CFAP77: variants seen among roughly 807,000 people sequenced by gnomAD.
The protein encoded by CFAP77 is cilia and flagella associated protein 77, also known as cilia- and flagella-associated protein 77.
CFAP77 carries 25 observed loss-of-function variants against 31.1 expected under a neutral mutation model. The ratio of observed to expected loss-of-function variants is 0.80; its 90% CI spans 0.59 to 1.12. The LOEUF (loss-of-function observed/expected upper bound fraction) is 1.12, where lower values mean the gene tolerates loss of function less well. Ranked by LOEUF, CFAP77 falls within the 50% of genes most tolerant of loss-of-function variation. The pLI is 0.00. For synonymous variants in CFAP77, 151 were observed against 159.9 expected (o/e 0.94, Z 0.42); for missense variants, 377 against 397.3 (o/e 0.95, Z 0.44).
At chr9:132,525,098 C>A (rs1273141615) in intron 3 of CFAP77, among the ~76,000 whole-genome samples, 1 of 148,192 alleles carries the variant, frequency 6.7e-6, no homozygotes, top group African/African-American at 2.5e-5. Context: ...CAGCTCACTG[C>A]AACCTCCGCT....
chr9:132,521,778 T>TTTTTTTTTTTTTTTTTTTG lies in CFAP77; in HGVS notation c.525-15817_525-15816insTTTTTTTTTTTTGTTTTTT, dbSNP rs533275755. On this transcript the variant is annotated intron_variant, in intron 3 of 5. Coordinates refer to ENST00000393216, the MANE Select transcript of CFAP77 (RefSeq NM_001282957.2). ...ATAGACTTGCTTTTTTTTTTTTTTT[T>TTTTTTTTTTTTTTTTTTTG]TTTTTTGAGATGAAGTCTCACTCTG... 4.3e-3 allele frequency among the ~76,000 whole-genome samples: 453 copies of TTTTTTTTTTTTTTTTTTTG among 106,136 alleles called. 5 individuals carry two copies. Among genetic ancestry groups the TTTTTTTTTTTTTTTTTTTG allele is most frequent in the East Asian group, 6.5e-3 (15 of 2,324 alleles). The allele number at this position is 106,136 out of a possible 152,430, so 69.6% of individuals were successfully genotyped here.
intron 1 of CFAP77, among the ~76,000 whole-genome samples, chr9:132,411,212 G>T (rs1368623565): frequency 2.0e-5 from 3 of 152,216 alleles, no homozygotes; most frequent in African/African-American, 4.8e-5. Context: ...GGGGGTCAGG[G>T]AGCAAGCCTC....
intron 1 of CFAP77, among the ~76,000 whole-genome samples, chr9:132,466,309 C>T (rs764433875): frequency 8.5e-5 from 13 of 152,224 alleles, no homozygotes; most frequent in East Asian, 5.8e-4. Flanking sequence ...TTTACTCTCA[C>T]GACAGGACCC....
At chr9:132,489,614 C>A (rs1851620087) in intron 1 of CFAP77, among the ~76,000 whole-genome samples, 1 of 152,198 alleles carries the variant, frequency 6.6e-6, no homozygotes, top group Admixed American at 6.5e-5. Flanking sequence ...AAATGTTGAT[C>A]CTGTTCCTTG....
At chr9:132,518,477 C>T (rs1363853547) in intron 3 of CFAP77, among the ~76,000 whole-genome samples, 1 of 152,170 alleles carries the variant, frequency 6.6e-6, no homozygotes, top group Non-Finnish European at 1.5e-5. Flanking sequence ...GAGCATCACA[C>T]GGGCAACTCG....
intron 5 of CFAP77, among the ~76,000 whole-genome samples, chr9:132,547,106 C>G (rs944168069): frequency 1.3e-5 from 2 of 152,200 alleles, no homozygotes; most frequent in Non-Finnish European, 2.9e-5. Flanking sequence ...GGCTGATGCC[C>G]TCTGTGCCCT....
At position 132,552,093 on chromosome 9, in the gene CFAP77, A is replaced by G. The variant is rs1350838219; in HGVS notation, c.732+9046A>G. Among the ~76,000 whole-genome samples the G allele has an allele frequency of 6.6e-6, 1 of 152,218 alleles. No homozygotes were observed. Among genetic ancestry groups the G allele is most frequent in the Non-Finnish European group, 1.5e-5 (1 of 68,028 alleles). Reference sequence around the variant, plus strand: ...TCCCGGATTCAGGCTTACTGCGTTAAAAGTGGGAGGCTGAGGCTGAGTCCA... The same window carrying G: ...TCCCGGATTCAGGCTTACTGCGTTAGAAGTGGGAGGCTGAGGCTGAGTCCA... On this transcript the variant is annotated intron_variant, in intron 5 of 5. Transcript: ENST00000393216. This position sits in a 1 kb window ranked among gnomAD's most constrained non-coding sequence, Gnocchi z 5.5.
chr9:132,472,344 A>C (rs1382618902), intron 1 of CFAP77, among the ~76,000 whole-genome samples: 2 of 152,258 alleles, frequency 1.3e-5, no homozygotes, highest in Admixed American at 1.3e-4. Flanking sequence ...TGTAGAATGC[A>C]AAAGCCATTC....
intron 5 of CFAP77, among the ~76,000 whole-genome samples, chr9:132,571,775 G>A (rs1331012749): frequency 6.6e-6 from 1 of 152,120 alleles, no homozygotes; most frequent in East Asian, 1.9e-4. Flanking sequence ...GAGGCGAGGC[G>A]GGGTCTTCAC....
rs1010146000 is a variant in CFAP77, at chr9:132,564,122, T to G, written c.733-8266T>G. ...AATTCGTTGTGTGATTTTATTTTTATTAGTAGTTTCTCACTCTATCTCAGG... is the reference window on the plus strand; with the variant it reads ...AATTCGTTGTGTGATTTTATTTTTAGTAGTAGTTTCTCACTCTATCTCAGG... On this transcript the variant is annotated intron_variant, in intron 5 of 5. Coordinates refer to ENST00000393216, the MANE Select transcript of CFAP77 (RefSeq NM_001282957.2). This position sits in a 1 kb window ranked among gnomAD's most constrained non-coding sequence, Gnocchi z 4.6. Among the ~76,000 whole-genome samples the G allele has an allele frequency of 6.6e-6, 1 of 152,214 alleles. No homozygotes were observed. The highest frequency in any genetic ancestry group is 1.5e-5 in the Non-Finnish European group (1 of 68,036).
intron 4 of CFAP77, among the ~76,000 whole-genome samples, chr9:132,538,604 C>T (rs988062262): frequency 6.6e-6 from 1 of 151,998 alleles, no homozygotes; most frequent in Non-Finnish European, 1.5e-5. Flanking sequence ...TGGTGAAACT[C>T]CTGTCTCTCC....
In CFAP77 at chr9:132,573,311, G is replaced by A. The variant is rs966622444; in HGVS notation, c.*801G>A. On this transcript the variant is annotated 3_prime_UTR_variant, in exon 6 of 6. Coordinates refer to ENST00000393216, the MANE Select transcript of CFAP77 (RefSeq NM_001282957.2). ...CTATTTTAAATTAAAAATGCTATTT[G>A]TCATCCTCCTTTTGTGTCTCCATTT... is the stretch of plus-strand genomic sequence containing the variant. 1 of 152,144 alleles carries A rather than the reference G, an allele frequency of 6.6e-6. No homozygotes were observed. The highest frequency in any genetic ancestry group is 1.5e-5 in the Non-Finnish European group (1 of 68,044). 9.4% of individuals were successfully genotyped at this position (152,144 alleles called of 1,614,324 possible).
chr9:132,433,285 T>G, intron 1 of CFAP77, among the ~76,000 whole-genome samples: 1 of 152,334 alleles, frequency 6.6e-6, no homozygotes, highest in East Asian at 1.9e-4. Context: ...GAAATGGCAC[T>G]TGCTCTGAGG....
chr9:132,572,861 C>T lies in CFAP77; in HGVS notation c.*351C>T, dbSNP rs913748825. On this transcript the variant is annotated 3_prime_UTR_variant, in exon 6 of 6. Coordinates refer to ENST00000393216, the MANE Select transcript of CFAP77 (RefSeq NM_001282957.2). The stretch of plus-strand genomic sequence containing the variant: ...TCCAGGCTAAGGGTCGATTCCATGG[C>T]TCTGCCCATTAAGTGTTAAGAACGA... 2 of 297,700 alleles carry T rather than the reference C, an allele frequency of 6.7e-6. No individual in the cohort carries two copies. The highest frequency in any genetic ancestry group is 1.2e-5 in the Non-Finnish European group (2 of 161,100). The allele number at this position is 297,700 out of a possible 1,614,324, so 18.4% of individuals were successfully genotyped here.
intron 3 of CFAP77, among the ~76,000 whole-genome samples, chr9:132,523,439 T>C (rs78609233): frequency 6.6e-6 from 1 of 152,364 alleles, no homozygotes; most frequent in Non-Finnish European, 1.5e-5. Context: ...ACCTGTACTG[T>C]ATGTCTCCTC....
chr9:132,558,162 A>C (rs900230503), intron 5 of CFAP77, among the ~76,000 whole-genome samples: 2 of 152,262 alleles, frequency 1.3e-5, no homozygotes, highest in Admixed American at 1.3e-4. Context: ...ATAAATTGCT[A>C]TAGGTATTCC....
At chr9:132,484,736 A>ATTTTTTTTTTTTTTTTTTTTTTTTTTTT (rs1851509152) in intron 1 of CFAP77, among the ~76,000 whole-genome samples, 1 of 151,336 alleles carries the variant, frequency 6.6e-6, no homozygotes, top group Admixed American at 6.6e-5. Flanking sequence ...TTTTTTTTAA[A>ATTTTTTTTTTTTTTTTTTTTTTTTTTTT]TTTTTGTGGG....
intron 5 of CFAP77, among the ~76,000 whole-genome samples, chr9:132,551,180 G>A (rs1852814941): frequency 6.6e-6 from 1 of 152,100 alleles, no homozygotes. Flanking sequence ...TGGGAGAGTG[G>A]AGGGGAGAAG....
At chr9:132,420,968 G>C (rs1417513651) in intron 1 of CFAP77, among the ~76,000 whole-genome samples, 2 of 151,182 alleles carry the variant, frequency 1.3e-5, no homozygotes, top group African/African-American at 4.9e-5. Context: ...AGGAGATGAG[G>C]AAAGCTCTCA....
Sources: gnomAD v4.1 joint callset for allele counts (sites outside exome capture counted in the v4.1 genomes callset) on GRCh38, gnomAD v4.1.1 for gene constraint, Gnocchi (gnomAD v3.1) non-coding constraint, MANE v1.5 for transcripts, NCBI Gene and HGNC (gene_info 2026-07-23, HGNC 2026-07-21) for gene names.